The following TEK variants were observed in gnomAD, a reference collection of about 807,000 sequenced individuals.
TEK encodes angiopoietin-1 receptor.
Under a neutral mutation model 131.8 loss-of-function variants are expected in TEK, and 43 were observed. The ratio of observed to expected loss-of-function variants is 0.33; its 90% CI spans 0.26 to 0.42. The LOEUF (loss-of-function observed/expected upper bound fraction) is 0.42. Ranked by LOEUF, TEK falls within the 10% of genes least tolerant of loss-of-function variation. The pLI, the probability that TEK is intolerant of heterozygous loss-of-function variation, is 1.00. For missense variants in TEK, 1,162 were observed against 1,384.4 expected (o/e 0.84, Z 2.55); for synonymous variants, 580 against 491.6 (o/e 1.18, Z -2.38).
rs537914797 is a variant in TEK, at chr9:27,158,955, G to A, written c.364+813G>A. On this transcript the variant is annotated intron_variant, in intron 2 of 22. Transcript: ENST00000380036. ...ATTACAGGCGTGAGCCACCATGCCC[G>A]GCCAGTGTATCAATTTTCTATTGCC... 8.5e-5 allele frequency among the ~76,000 whole-genome samples: 13 copies of A among 152,252 alleles called. No individual in the cohort carries two copies. The East Asian group carries it at 1.2e-3, about 14-fold the overall frequency.
In TEK at chr9:27,190,545, G is replaced by A. The variant is rs1360076252; in HGVS notation, c.1344G>A (p.Leu448=). Residue 448 remains leucine, a synonymous_variant, in exon 10 of 23, where the codon CTG becomes CTA. Coordinates refer to ENST00000380036, the MANE Select transcript of TEK (RefSeq NM_000459.5). ...NISVKVLPKP[L]NAPNVIDTGH... is the part of the protein sequence containing the mutation. ...TGTATTTAGTTCTTCCAAAGCCCCT[G>A]AATGCCCCAAACGTGATTGACACTG... is the stretch of plus-strand genomic sequence containing the variant. 6.2e-7 allele frequency: 1 copy of A among 1,614,000 alleles called. No homozygotes were observed. Among genetic ancestry groups the A allele is most frequent in the Non-Finnish European group, 8.5e-7 (1 of 1,179,904 alleles).
In TEK at chr9:27,109,460, C is replaced by T; in HGVS notation, c.-131C>T. 3.3e-6 allele frequency: 3 copies of T among 913,522 alleles called. No individual in the cohort carries two copies. The highest frequency in any genetic ancestry group is 2.2e-4 in the Middle Eastern group (1 of 4,644). The allele number at this position is 913,522 out of a possible 1,614,324, so 56.6% of individuals were successfully genotyped here. On this transcript the variant is annotated 5_prime_UTR_variant, in exon 1 of 23. Coordinates refer to ENST00000380036, the MANE Select transcript of TEK (RefSeq NM_000459.5). The stretch of plus-strand genomic sequence containing the variant: ...ACAGCCTGCTTCTGTGCTGTTCCTT[C>T]TTGCCTCTAACTTGTAAACAAGACG...
At chr9:27,228,508 T>C (rs1395781737) in intron 22 of TEK, among the ~76,000 whole-genome samples, 2 of 152,130 alleles carry the variant, frequency 1.3e-5, no homozygotes, top group East Asian at 3.9e-4. Context: ...CAAGATACAG[T>C]CACGTACACA....
chr9:27,166,359 T>G (rs1823730588), intron 2 of TEK, among the ~76,000 whole-genome samples: 1 of 152,274 alleles, frequency 6.6e-6, no homozygotes, highest in Non-Finnish European at 1.5e-5. Flanking sequence ...AAATATTTCC[T>G]TAGTAATTTT....
At chr9:27,188,688 C>T (rs969859871) in intron 9 of TEK, among the ~76,000 whole-genome samples, 1 of 152,140 alleles carries the variant, frequency 6.6e-6, no homozygotes, top group Admixed American at 6.5e-5. Flanking sequence ...GGACAACTTC[C>T]TAAGTCGTCA....
In TEK at chr9:27,205,071, G is replaced by T. The variant is rs377533257; in HGVS notation, c.2364+6G>T. 1 of 1,613,920 alleles carries T rather than the reference G, an allele frequency of 6.2e-7. No homozygotes were observed. On this transcript the variant is annotated splice_donor_region_variant and intron_variant, in intron 14 of 22. Coordinates refer to ENST00000380036, the MANE Select transcript of TEK (RefSeq NM_000459.5). Reference sequence around the variant, plus strand: ...CCCAAGCCTTCCAAAACGTGGTAGTGTCTCATCTTCCTACTAGCTAATAAG... The same window carrying T: ...CCCAAGCCTTCCAAAACGTGGTAGTTTCTCATCTTCCTACTAGCTAATAAG...
chr9:27,203,014 C>T lies in TEK; in HGVS notation c.2104C>T (p.Leu702=). ...CATCACTCAGTATCAGCTCAAGGGC[C>T]TAGAGCCTGAAACAGCATACCAGGT... The part of the protein sequence containing the change: ...ATITQYQLKG[L]EPETAYQVDI... Residue 702 remains leucine, a synonymous_variant, in exon 13 of 23, where the codon CTA becomes TTA. Coordinates refer to ENST00000380036, the MANE Select transcript of TEK (RefSeq NM_000459.5). 6.2e-7 allele frequency: 1 copy of T among 1,614,082 alleles called. No individual in the cohort carries two copies. The highest frequency in any genetic ancestry group is 8.5e-7 in the Non-Finnish European group (1 of 1,179,998).
At chr9:27,146,951 G>A (rs920326678) in intron 1 of TEK, among the ~76,000 whole-genome samples, 1 of 152,078 alleles carries the variant, frequency 6.6e-6, no homozygotes, top group African/African-American at 2.4e-5. Context: ...GGATGGTCTT[G>A]ATCTCCTGAC....
chr9:27,215,787 G>GT (rs1240709535), intron 18 of TEK, among the ~76,000 whole-genome samples: 2 of 152,098 alleles, frequency 1.3e-5, no homozygotes, highest in Admixed American at 6.5e-5. Context: ...ACTCAGGATT[G>GT]TAACAGCTGA....
chr9:27,147,791 A>C (rs969327120), intron 1 of TEK, among the ~76,000 whole-genome samples: 3 of 152,080 alleles, frequency 2.0e-5, no homozygotes, highest in African/African-American at 7.2e-5. Flanking sequence ...CTTTTTTTGC[A>C]TATTGATGTC....
intron 1 of TEK, among the ~76,000 whole-genome samples, chr9:27,128,065 G>C (rs568983137): frequency 4.0e-4 from 61 of 152,304 alleles, no homozygotes; most frequent in African/African-American, 1.5e-3. Context: ...CCTATGTCCT[G>C]AATGGTATTG....
At chr9:27,179,095 T>C (rs759006502) in intron 6 of TEK, among the ~76,000 whole-genome samples, 1 of 152,200 alleles carries the variant, frequency 6.6e-6, no homozygotes, top group Non-Finnish European at 1.5e-5. Flanking sequence ...GTGTGTTAGA[T>C]GTTTTGTCTC....
intron 1 of TEK, among the ~76,000 whole-genome samples, chr9:27,123,639 T>C (rs1460799238): frequency 6.6e-6 from 1 of 152,212 alleles, no homozygotes; most frequent in African/African-American, 2.4e-5. Flanking sequence ...TGTTTTTGAG[T>C]ATCACGTGGA....
chr9:27,197,573 A>C lies in TEK; in HGVS notation c.1883A>C (p.Asp628Ala). The change falls in exon 12 of 23, where the codon GAT (aspartate) becomes GCT (alanine). Residue 628 changes from aspartate to alanine, a missense_variant. By Grantham distance (126) the Asp-to-Ala change is moderately radical. Coordinates refer to ENST00000380036, the MANE Select transcript of TEK (RefSeq NM_000459.5). ...NTKAQGEWSE[D>A]LTAWTLSDIL... ...AAGGCCCAGGGGGAATGGAGTGAAG[A>C]TCTCACTGCTTGGACCCTTAGTGAC... 1 of 1,614,016 alleles carries C rather than the reference A, an allele frequency of 6.2e-7. No individual in the cohort carries two copies. The highest frequency in any genetic ancestry group is 1.1e-5 in the South Asian group (1 of 91,080).
At chr9:27,116,730 C>T (rs979877692) in intron 1 of TEK, among the ~76,000 whole-genome samples, 3 of 151,876 alleles carry the variant, frequency 2.0e-5, no homozygotes, top group Admixed American at 6.6e-5. Context: ...AATGAAGGAA[C>T]GAGAAAGAGC....
intron 16 of TEK, among the ~76,000 whole-genome samples, chr9:27,211,332 G>A (rs531646757): frequency 1.9e-4 from 28 of 147,602 alleles, no homozygotes; most frequent in Non-Finnish European, 4.2e-4. Flanking sequence ...GAAAGCACAT[G>A]TATACCATAA....
intron 1 of TEK, among the ~76,000 whole-genome samples, chr9:27,157,593 T>G (rs1427306792): frequency 2.0e-5 from 3 of 152,188 alleles, no homozygotes; most frequent in Non-Finnish European, 4.4e-5. Flanking sequence ...GGGTAGTCCA[T>G]TGCAACTAGG....
intron 1 of TEK, among the ~76,000 whole-genome samples, chr9:27,128,528 C>G (rs1312454881): frequency 6.6e-6 from 1 of 152,098 alleles, no homozygotes; most frequent in Non-Finnish European, 1.5e-5. Context: ...TCAATGATAG[C>G]TTGATGGGGA....
intron 1 of TEK, among the ~76,000 whole-genome samples, chr9:27,156,315 T>C (rs1229360028): frequency 1.3e-5 from 2 of 152,058 alleles, no homozygotes; most frequent in African/African-American, 2.4e-5. Context: ...ATACAGAACA[T>C]TTGGAGTTTA....
Sources: allele counts gnomAD v4.1 joint callset (sites outside exome capture counted in the v4.1 genomes callset), GRCh38; gene constraint gnomAD v4.1.1; transcripts MANE v1.5; gene names NCBI Gene and HGNC (gene_info 2026-07-23, HGNC 2026-07-21).